GREM1: variants seen among roughly 807,000 people sequenced by gnomAD.
The protein encoded by GREM1 is gremlin 1, DAN family BMP antagonist, also known as gremlin-1.
GREM1 carries 6 observed loss-of-function variants against 13.1 expected under a neutral mutation model. The observed-to-expected ratio is 0.46, with a 90% CI of 0.25 to 0.91. The LOEUF (loss-of-function observed/expected upper bound fraction) is 0.91, where lower values mean the gene tolerates loss of function less well. GREM1 is among the 40% of genes least tolerant of loss of function. GREM1 has a pLI of 0.18. For missense variants in GREM1, 185 were observed against 233.9 expected (o/e 0.79, Z 1.36); for synonymous variants, 98 against 93.7 (o/e 1.05, Z -0.27).
At position 32,731,487 on chromosome 15, in the gene GREM1, T is replaced by C. The variant is rs1027419029; in HGVS notation, c.*242T>C. ...GAGCACTCCCTATTTTGTAAACATA[T>C]CTGCTTTAATGGGGATGTACCAGAA... On this transcript the variant is annotated 3_prime_UTR_variant, in exon 2 of 2. Coordinates refer to ENST00000651154, the MANE Select transcript of GREM1 (RefSeq NM_013372.7). The C allele has an allele frequency of 3.6e-6, 2 of 549,524 alleles. No individual in the cohort carries two copies. The highest frequency in any genetic ancestry group is 1.9e-5 in the African/African-American group (1 of 52,576). 34.0% of individuals were successfully genotyped at this position (549,524 alleles called of 1,614,324 possible).
chr15:32,729,587 G>A (rs375818416), intron 1 of GREM1, among the ~76,000 whole-genome samples: 13 of 151,428 alleles, frequency 8.6e-5, no homozygotes, highest in East Asian at 3.9e-4. Context: ...ATTTTTTGTC[G>A]GTTTTCCCTC....
intron 1 of GREM1, among the ~76,000 whole-genome samples, chr15:32,725,718 A>G (rs930858421): frequency 6.6e-6 from 1 of 152,184 alleles, no homozygotes; most frequent in Non-Finnish European, 1.5e-5. Flanking sequence ...GCCCATGCCT[A>G]TGTCCTGAAT....
Position 32,738,125 on chromosome 15 carries a change from A to AAAAAAAAAAAAAAAAACAAAAAAAAAC in GREM1, c.*6888_*6889insAAAAAAAACAAAAAAAAACAAAAAAAA. Reference sequence around the variant, plus strand: ...AAAAAAAAAAAAAAAAAAAAAAAAAAAAAAAAAAGAAAAGAAAAAAGTCAT... The same window carrying AAAAAAAAAAAAAAAAACAAAAAAAAAC: ...AAAAAAAAAAAAAAAAAAAAAAAAAAAAAAAAAAAAAAAAAACAAAAAAAAACAAAAAAAAGAAAAGAAAAAAGTCAT... On this transcript the variant is annotated 3_prime_UTR_variant, in exon 2 of 2. Transcript: ENST00000651154. 14 of 27,984 alleles carry AAAAAAAAAAAAAAAAACAAAAAAAAAC rather than the reference A, an allele frequency of 5.0e-4. 3 individuals carry two copies. Among genetic ancestry groups the AAAAAAAAAAAAAAAAACAAAAAAAAAC allele is most frequent in the Non-Finnish European group, 6.8e-4 (11 of 16,080 alleles). The allele number at this position is 27,984 out of a possible 1,614,324, so 1.7% of individuals were successfully genotyped here.
intron 1 of GREM1, among the ~76,000 whole-genome samples, chr15:32,722,806 G>T (rs1240106844): frequency 6.6e-6 from 1 of 152,190 alleles, no homozygotes; most frequent in Non-Finnish European, 1.5e-5. Context: ...TGGAGATGGG[G>T]TGAGACTTGC....
rs1240107528 is a variant in GREM1, at chr15:32,733,819, G to A, written c.*2574G>A. On this transcript the variant is annotated 3_prime_UTR_variant, in exon 2 of 2. Coordinates refer to ENST00000651154, the MANE Select transcript of GREM1 (RefSeq NM_013372.7). ...AAACACCAAATATGAATTTTATGAT[G>A]TACACTTTGTGCTTGGCATTAAAAG... 1.3e-5 allele frequency: 3 copies of A among 238,918 alleles called. No individual in the cohort carries two copies. Among genetic ancestry groups the A allele is most frequent in the African/African-American group, 6.7e-5 (3 of 44,874 alleles). The allele number at this position is 238,918 out of a possible 1,614,324, so 14.8% of individuals were successfully genotyped here. A position where few individuals can be genotyped will look rare whatever the true frequency, so the allele number is the denominator to read the frequency against.
At position 32,731,368 on chromosome 15, in the gene GREM1, G is replaced by A; in HGVS notation, c.*123G>A. 1.4e-6 allele frequency: 1 copy of A among 717,720 alleles called. No homozygotes were observed. Among genetic ancestry groups the A allele is most frequent in the South Asian group, 1.9e-5 (1 of 53,376 alleles). The allele number at this position is 717,720 out of a possible 1,614,324, so 44.5% of individuals were successfully genotyped here. A position where few individuals can be genotyped will look rare whatever the true frequency, so the allele number is the denominator to read the frequency against. On this transcript the variant is annotated 3_prime_UTR_variant, in exon 2 of 2. Transcript: ENST00000651154. Reference sequence around the variant, plus strand: ...CAGAAGAACCCCCAGCTGCCTCCTGGCAGGAGCCTGCTTGTGCGTAGTTCG... The same window carrying A: ...CAGAAGAACCCCCAGCTGCCTCCTGACAGGAGCCTGCTTGTGCGTAGTTCG...
At position 32,736,184 on chromosome 15, in the gene GREM1, G is replaced by A. The variant is rs1438157929; in HGVS notation, c.*4939G>A. 1 of 152,188 alleles carries A rather than the reference G, an allele frequency of 6.6e-6. No individual in the cohort carries two copies. The highest frequency in any genetic ancestry group is 6.5e-5 in the Admixed American group (1 of 15,278). The allele number at this position is 152,188 out of a possible 1,614,324, so 9.4% of individuals were successfully genotyped here. Reference sequence around the variant, plus strand: ...CAGGCCCTGGAAGCTCCACTTGCAAGGCTATATTTGACCTGACTGGAAGCT... The same window carrying A: ...CAGGCCCTGGAAGCTCCACTTGCAAAGCTATATTTGACCTGACTGGAAGCT... On this transcript the variant is annotated 3_prime_UTR_variant, in exon 2 of 2. Coordinates refer to ENST00000651154, the MANE Select transcript of GREM1 (RefSeq NM_013372.7).
rs2055655552 is a variant in GREM1 at position 32,733,489 on chromosome 15, T to A, written c.*2244T>A. On this transcript the variant is annotated 3_prime_UTR_variant, in exon 2 of 2. Transcript: ENST00000651154. Reference sequence around the variant, plus strand: ...GGAGCTTGTACCACAGTCTTGCACATAAGTGCAGATTTGGCTCAAGTAAAG... The same window carrying A: ...GGAGCTTGTACCACAGTCTTGCACAAAAGTGCAGATTTGGCTCAAGTAAAG... 4.3e-6 allele frequency: 1 copy of A among 232,070 alleles called. No individual in the cohort carries two copies. 14.4% of individuals were successfully genotyped at this position (232,070 alleles called of 1,614,324 possible).
rs1187240365 is a variant in GREM1 at position 32,734,287 on chromosome 15, C to T, written c.*3042C>T. 2 of 244,480 alleles carry T rather than the reference C, an allele frequency of 8.2e-6. No homozygotes were observed. Among genetic ancestry groups the T allele is most frequent in the African/African-American group, 2.2e-5 (1 of 45,144 alleles). 15.1% of individuals were successfully genotyped at this position (244,480 alleles called of 1,614,324 possible). On this transcript the variant is annotated 3_prime_UTR_variant, in exon 2 of 2. Transcript: ENST00000651154. Reference sequence around the variant, plus strand: ...AAGACTTACGATGCATGTATACAAACGAATAGCAGATAATGATGACTAGTT... The same window carrying T: ...AAGACTTACGATGCATGTATACAAATGAATAGCAGATAATGATGACTAGTT...
intron 1 of GREM1, among the ~76,000 whole-genome samples, chr15:32,728,594 C>G (rs1351977927): frequency 6.6e-6 from 1 of 152,218 alleles, no homozygotes; most frequent in African/African-American, 2.4e-5. Context: ...AGATCCTACA[C>G]TGCCTTTGCG....
rs75799490 is a variant in GREM1 at position 32,725,347 on chromosome 15, A to G, written c.-1-5343A>G. ...GCCATTCTAACTGGCGTGAAATGGTATCTCATTGTGGTTTTGATTTGCATT... is the reference window on the plus strand; with the variant it reads ...GCCATTCTAACTGGCGTGAAATGGTGTCTCATTGTGGTTTTGATTTGCATT... On this transcript the variant is annotated intron_variant, in intron 1 of 1. Coordinates refer to ENST00000651154, the MANE Select transcript of GREM1 (RefSeq NM_013372.7). Among the ~76,000 whole-genome samples the G allele has an allele frequency of 0.5, 75,266 of 151,966 alleles. 19,720 individuals are homozygous for G. Among genetic ancestry groups the G allele is most frequent in the Middle Eastern group, 0.59 (172 of 294 alleles).
chr15:32,731,240 G>C lies in GREM1; in HGVS notation c.550G>C (p.Asp184His), dbSNP rs760105878. 1 of 1,611,998 alleles carries C rather than the reference G, an allele frequency of 6.2e-7. No homozygotes were observed. Among genetic ancestry groups the C allele is most frequent in the East Asian group, 2.2e-5 (1 of 44,844 alleles). The stretch of plus-strand genomic sequence containing the variant: ...GTGTCGTTGCATATCCATCGATTTG[G>C]ATTAAGCCAAATCCAGGTGCACCCA... ...KQCRCISIDL[D>H] is the part of the protein sequence containing the mutation. The change falls in exon 2 of 2, where the codon GAT becomes CAT. Residue 184 changes from aspartate to histidine, a missense_variant. Transcript: ENST00000651154.
intron 1 of GREM1, among the ~76,000 whole-genome samples, chr15:32,719,507 C>A (rs967815591): frequency 4.6e-5 from 7 of 151,470 alleles, no homozygotes; most frequent in African/African-American, 1.7e-4. Context: ...CTCTTATAGA[C>A]AGAAATACAG....
chr15:32,731,053 G>A lies in GREM1; in HGVS notation c.363G>A (p.Gln121=), dbSNP rs775520243. 2 of 1,614,198 alleles carry A rather than the reference G, an allele frequency of 1.2e-6. No individual in the cohort carries two copies. Among genetic ancestry groups the A allele is most frequent in the Non-Finnish European group, 1.7e-6 (2 of 1,180,030 alleles). The change falls in exon 2 of 2, where the codon CAG becomes CAA. Residue 121 remains glutamine (Q), a synonymous_variant. Coordinates refer to ENST00000651154, the MANE Select transcript of GREM1 (RefSeq NM_013372.7). ...TCATCAACCGCTTCTGTTACGGCCA[G>A]TGCAACTCTTTCTACATCCCCAGGC... ...RTIINRFCYG[Q]CNSFYIPRHI...
Position 32,738,926 on chromosome 15 carries a change from A to G in GREM1, c.*7681A>G, listed in dbSNP as rs966924823. On this transcript the variant is annotated 3_prime_UTR_variant, in exon 2 of 2. Transcript: ENST00000651154. ...ATTGTACCACTGCACTCCAGCCTAC[A>G]TGACAGAGTAAGTCTCTGTCTCAAA... The G allele has an allele frequency of 6.6e-6, 1 of 152,226 alleles. No individual in the cohort carries two copies. Among genetic ancestry groups the G allele is most frequent in the Non-Finnish European group, 1.5e-5 (1 of 68,048 alleles). The allele number at this position is 152,226 out of a possible 1,614,324, so 9.4% of individuals were successfully genotyped here. A position where few individuals can be genotyped will look rare whatever the true frequency, so the allele number is the denominator to read the frequency against.
rs2055765562 is a variant in GREM1 at position 32,741,971 on chromosome 15, C to CATTAACTAATTT, written c.*10727_*10738dup. 1.3e-5 allele frequency: 2 copies of CATTAACTAATTT among 152,242 alleles called. No individual in the cohort carries two copies. Among genetic ancestry groups the CATTAACTAATTT allele is most frequent in the Admixed American group, 6.5e-5 (1 of 15,288 alleles). 9.4% of individuals were successfully genotyped at this position (152,242 alleles called of 1,614,324 possible). A position where few individuals can be genotyped will look rare whatever the true frequency, so the allele number is the denominator to read the frequency against. On this transcript the variant is annotated 3_prime_UTR_variant, in exon 2 of 2. Transcript: ENST00000651154. ...CCTTTATTCTGTTAATGGATTATCACATTAACTAATTTTCATATCTTGAAG... is the reference window on the plus strand; with the variant it reads ...CCTTTATTCTGTTAATGGATTATCACATTAACTAATTTATTAACTAATTTTCATATCTTGAAG...
In GREM1 at chr15:32,730,812, A is replaced by G. The variant is rs553840621; in HGVS notation, c.122A>G (p.His41Arg). Residue 41 changes from histidine (H) to arginine (R), a missense_variant, in exon 2 of 2, where the codon CAC (histidine) becomes CGC (arginine). Transcript: ENST00000651154. ...GAIPPPDKAQ[H>R]NDSEQTQSPQ... The stretch of plus-strand genomic sequence containing the variant: ...ATCCCCCCGCCAGACAAGGCCCAGC[A>G]CAATGACTCAGAGCAGACTCAGTCG... 6 of 1,613,988 alleles carry G rather than the reference A, an allele frequency of 3.7e-6. No homozygotes were observed. The highest frequency in any genetic ancestry group is 4.5e-5 in the East Asian group (2 of 44,866).
rs1223270672 is a variant in GREM1, at chr15:32,739,595, G to A, written c.*8350G>A. 1 of 152,202 alleles carries A rather than the reference G, an allele frequency of 6.6e-6. No individual in the cohort carries two copies. Among genetic ancestry groups the A allele is most frequent in the Admixed American group, 6.5e-5 (1 of 15,284 alleles). 9.4% of individuals were successfully genotyped at this position (152,202 alleles called of 1,614,324 possible). ...GGGCAGGTGACATCAGCAAGATGTT[G>A]TATTAGCAAATGCTGGACCCTTCTT... is the stretch of plus-strand genomic sequence containing the variant. On this transcript the variant is annotated 3_prime_UTR_variant, in exon 2 of 2. Coordinates refer to ENST00000651154, the MANE Select transcript of GREM1 (RefSeq NM_013372.7).
Position 32,742,901 on chromosome 15 carries a change from C to T in GREM1, c.*11656C>T, listed in dbSNP as rs983326483. ...GATTATTTAAATGTAAGACTTGAAA[C>T]AGTAAAACTCCTAGAAGTAAACAGA... On this transcript the variant is annotated 3_prime_UTR_variant, in exon 2 of 2. Transcript: ENST00000651154. 1 of 152,164 alleles carries T rather than the reference C, an allele frequency of 6.6e-6. No homozygotes were observed. Among genetic ancestry groups the T allele is most frequent in the African/African-American group, 2.4e-5 (1 of 41,446 alleles). 9.4% of individuals were successfully genotyped at this position (152,164 alleles called of 1,614,324 possible). A position where few individuals can be genotyped will look rare whatever the true frequency, so the allele number is the denominator to read the frequency against.
Sources: allele counts gnomAD v4.1 joint callset (sites outside exome capture counted in the v4.1 genomes callset), GRCh38; gene constraint gnomAD v4.1.1; transcripts MANE v1.5; gene names NCBI Gene and HGNC (gene_info 2026-07-23, HGNC 2026-07-21).